DMD: variants seen among roughly 807,000 people sequenced by gnomAD.
DMD encodes the protein mutant dystrophin.
A neutral mutation model predicts 330.1 loss-of-function variants in DMD; 63 were observed. The ratio of observed to expected loss-of-function variants is 0.19; its 90% CI spans 0.16 to 0.24. The LOEUF is 0.24. Ranked by LOEUF, DMD falls within the 10% of genes least tolerant of loss-of-function variation. The pLI is 1.00. For missense variants in DMD, 3,344 were observed against 2,684.1 expected, an observed-to-expected ratio of 1.25 and a Z score of -5.43; for synonymous variants, 1,223 against 959.8, an observed-to-expected ratio of 1.27 and a Z score of -5.07.
intron 18 of DMD, among the ~76,000 whole-genome samples, chrX:32,511,331 G>C (rs1290778756): frequency 9.2e-6 from 1 of 109,042 alleles, no homozygotes; most frequent in African/African-American, 3.3e-5. Flanking sequence ...AGACCATCCT[G>C]GCCAACAGTT....
intron 48 of DMD, among the ~76,000 whole-genome samples, chrX:31,852,437 G>C (rs750199994): frequency 4.8e-4 from 54 of 111,651 alleles, no homozygotes; most frequent in Non-Finnish European, 8.7e-4. Flanking sequence ...ATTTAAACTG[G>C]TACTCCCAGG....
At chrX:32,215,667 T>A (rs1364325333) in intron 44 of DMD, among the ~76,000 whole-genome samples, 1 of 111,878 alleles carries the variant, frequency 8.9e-6, no homozygotes, top group East Asian at 2.8e-4. Flanking sequence ...AAGTGGTTTC[T>A]ATATCTACCC....
chrX:31,698,251 G>A (rs1432025510), intron 52 of DMD, among the ~76,000 whole-genome samples: 2 of 111,306 alleles, frequency 1.8e-5, no homozygotes, highest in Admixed American at 9.5e-5. Context: ...ACTAACTGTG[G>A]GCAACTCTAA....
At chrX:31,734,874 C>T (rs1339440943) in intron 51 of DMD, among the ~76,000 whole-genome samples, 1 of 111,756 alleles carries the variant, frequency 8.9e-6, no homozygotes, top group Non-Finnish European at 1.9e-5. Flanking sequence ...TAGTCCTCAG[C>T]TTTTCTTTAT....
At chrX:33,164,455 A>G (rs1243289216) in intron 1 of DMD, among the ~76,000 whole-genome samples, 1 of 111,865 alleles carries the variant, frequency 8.9e-6, no homozygotes, top group Non-Finnish European at 1.9e-5. Context: ...TAGATTATCA[A>G]TAATAAACAC....
At chrX:31,219,257 C>T (rs2045728108) in intron 64 of DMD, among the ~76,000 whole-genome samples, 1 of 111,046 alleles carries the variant, frequency 9.0e-6, no homozygotes, top group Admixed American at 9.6e-5. Context: ...CCTCACTTCT[C>T]TTGCCCAGCT....
At position 31,699,459 on chromosome X, in the gene DMD, C is replaced by A. The variant is rs192671614; in HGVS notation, c.7661-19873G>T. On this transcript the variant is annotated intron_variant, in intron 52 of 78. Coordinates refer to ENST00000357033, the MANE Select transcript of DMD (RefSeq NM_004006.3). ...GCAATCTTATGGTCATATATTCAGT[C>A]ATGCTACATGTCAGTTAAAGGAAAC... is the stretch of plus-strand genomic sequence containing the variant. 3.6e-5 allele frequency among the ~76,000 whole-genome samples: 4 copies of A among 112,101 alleles called. No homozygotes were observed. The East Asian group carries it at 1.1e-3, about 31-fold the overall frequency.
intron 55 of DMD, among the ~76,000 whole-genome samples, chrX:31,606,298 T>C (rs1007520670): frequency 8.9e-6 from 1 of 111,893 alleles, no homozygotes; most frequent in Admixed American, 9.5e-5. Context: ...TATAGCAGTA[T>C]GAAAATGGAC....
chrX:32,252,717 T>TATATATAA (rs1456813691), intron 43 of DMD, among the ~76,000 whole-genome samples: 1 of 50,646 alleles, frequency 2.0e-5, no homozygotes, highest in Non-Finnish European at 3.2e-5. Context: ...AATATATAAA[T>TATATATAA]ATATATAAAT....
At position 32,468,632 on chromosome X, in the gene DMD, C is replaced by A. The variant is rs766325631; in HGVS notation, c.3028G>T (p.Ala1010Ser). Reference protein sequence around the residue: ...STTVKEMSKKAPSEISRKYQS... With the variant: ...STTVKEMSKKSPSEISRKYQS... Reference sequence around the variant, plus strand: ...TATTTCCGGCTAATTTCAGAGGGCGCTTTCTTCGACATCTCTTTCACAGTG... The same window carrying A: ...TATTTCCGGCTAATTTCAGAGGGCGATTTCTTCGACATCTCTTTCACAGTG... The change falls in exon 23 of 79, where the codon GCG becomes TCG. Residue 1010 changes from alanine (A) to serine (S), a missense_variant. Ala to Ser is a moderately conservative substitution (Grantham distance 99, BLOSUM62 1). Transcript: ENST00000357033. The A allele has an allele frequency of 8.3e-7, 1 of 1,209,351 alleles. No homozygotes were observed. The highest frequency in any genetic ancestry group is 1.8e-5 in the African/African-American group (1 of 57,119).
intron 60 of DMD, among the ~76,000 whole-genome samples, chrX:31,433,670 G>A (rs2064250195): frequency 9.1e-6 from 1 of 110,344 alleles, no homozygotes; most frequent in Non-Finnish European, 1.9e-5. Flanking sequence ...TGTTGGCCAG[G>A]CTGGTCTCGA....
At chrX:31,375,574 T>G (rs1038894346) in intron 60 of DMD, among the ~76,000 whole-genome samples, 11 of 111,647 alleles carry the variant, frequency 9.9e-5, no homozygotes, top group Admixed American at 9.6e-4. Flanking sequence ...AGGTGATACT[T>G]GAGGACATTA....
intron 55 of DMD, among the ~76,000 whole-genome samples, chrX:31,518,474 T>C (rs950720409): frequency 1.8e-5 from 2 of 111,675 alleles, no homozygotes; most frequent in Admixed American, 9.5e-5. Context: ...AACCCTAGAT[T>C]GTACATTTAA....
intron 26 of DMD, among the ~76,000 whole-genome samples, chrX:32,450,617 T>C (rs1277180635): frequency 2.7e-5 from 3 of 110,581 alleles, no homozygotes; most frequent in Non-Finnish European, 3.8e-5. Flanking sequence ...GTTACCTCTA[T>C]ATTGGACATT....
At chrX:32,881,009 C>T (rs1227270528) in intron 2 of DMD, among the ~76,000 whole-genome samples, 1 of 112,687 alleles carries the variant, frequency 8.9e-6, no homozygotes, top group African/African-American at 3.2e-5. Context: ...TGATTGTATG[C>T]AATTCTTTTT....
intron 21 of DMD, among the ~76,000 whole-genome samples, chrX:32,477,863 TAAGCACTTGA>T (rs2041402893): frequency 9.0e-6 from 1 of 111,523 alleles, no homozygotes; most frequent in African/African-American, 3.3e-5. Context: ...ACCCGTCCGT[TAAGCACTTGA>T]AACGTGGCCA....
At chrX:31,973,460 T>A (rs867017009) in intron 44 of DMD, among the ~76,000 whole-genome samples, 3 of 110,272 alleles carry the variant, frequency 2.7e-5, no homozygotes, top group Non-Finnish European at 5.7e-5. Flanking sequence ...AGGACAAGAA[T>A]CCAGTCCATA....
intron 63 of DMD, among the ~76,000 whole-genome samples, chrX:31,224,798 A>G (rs1047320388): frequency 8.9e-6 from 1 of 112,369 alleles, no homozygotes; most frequent in African/African-American, 3.2e-5. Context: ...ACTACTGTGC[A>G]AAGTGCAATA....
chrX:31,444,410 T>C, intron 60 of DMD, 71 bp downstream of exon 60: 1 of 1,138,780 alleles, frequency 8.8e-7, no homozygotes, highest in Non-Finnish European at 1.2e-6. Context: ...GTACTTTCAT[T>C]GTTCTTTACA....
Sources: gnomAD v4.1 joint callset for allele counts (sites outside exome capture counted in the v4.1 genomes callset) on GRCh38, gnomAD v4.1.1 for gene constraint, MANE v1.5 for transcripts, NCBI Gene and HGNC (gene_info 2026-07-23, HGNC 2026-07-21) for gene names.